The following SORCS1 variants were observed in gnomAD, a reference collection of about 807,000 sequenced individuals.
SORCS1 encodes the protein sortilin related VPS10 domain containing receptor 1.
SORCS1 carries 60 observed loss-of-function variants against 146.1 expected under a neutral mutation model. The ratio of observed to expected loss-of-function variants is 0.41; its 90% CI spans 0.33 to 0.51. The LOEUF (loss-of-function observed/expected upper bound fraction) is 0.51, where lower values mean the gene tolerates loss of function less well. SORCS1 is among the 20% of genes least tolerant of loss of function. The pLI, the probability that SORCS1 is intolerant of heterozygous loss-of-function variation, is 0.21. For synonymous variants in SORCS1, 637 were observed against 584.0 expected (o/e 1.09, Z -1.31); for missense variants, 1,352 against 1,487.6 (o/e 0.91, Z 1.50).
At chr10:106,923,619 C>T (rs1320829196) in intron 2 of SORCS1, among the ~76,000 whole-genome samples, 1 of 152,186 alleles carries the variant, frequency 6.6e-6, no homozygotes, top group Non-Finnish European at 1.5e-5. Flanking sequence ...CACGGCCTCA[C>T]CAGCATTTGG....
intron 1 of SORCS1, among the ~76,000 whole-genome samples, chr10:107,159,278 A>C (rs1431044029): frequency 6.6e-6 from 1 of 152,204 alleles, no homozygotes; most frequent in African/African-American, 2.4e-5. Flanking sequence ...CTCCTAGTGC[A>C]CTTTACTTAG....
At chr10:106,890,307 A>C (rs1300349380) in intron 2 of SORCS1, among the ~76,000 whole-genome samples, 1 of 151,992 alleles carries the variant, frequency 6.6e-6, no homozygotes, top group African/African-American at 2.4e-5. Context: ...CTTTTTTTCT[A>C]TCTCTAAATA....
chr10:107,102,208 C>T (rs531951581), intron 1 of SORCS1, among the ~76,000 whole-genome samples: 1 of 152,232 alleles, frequency 6.6e-6, no homozygotes, highest in East Asian at 1.9e-4. Flanking sequence ...TTGTCATTAT[C>T]GAGCCTTCAT....
At chr10:106,636,754 T>C (rs1469768198) in intron 18 of SORCS1, among the ~76,000 whole-genome samples, 1 of 152,178 alleles carries the variant, frequency 6.6e-6, no homozygotes, top group African/African-American at 2.4e-5. Context: ...CATATCAATC[T>C]TCAACCCTAA....
At chr10:106,762,520 G>A (rs1223778952) in intron 4 of SORCS1, among the ~76,000 whole-genome samples, 2 of 147,702 alleles carry the variant, frequency 1.4e-5, no homozygotes, top group African/African-American at 5.0e-5. Flanking sequence ...AGCCTCCCAA[G>A]TAGCTGGGAC....
chr10:107,103,610 G>A (rs1965100194), intron 1 of SORCS1, among the ~76,000 whole-genome samples: 1 of 152,194 alleles, frequency 6.6e-6, no homozygotes, highest in African/African-American at 2.4e-5. Context: ...CTCAGTGGGA[G>A]AAATTTATCA....
At chr10:106,694,716 G>A (rs1046359513) in intron 9 of SORCS1, among the ~76,000 whole-genome samples, 6 of 152,130 alleles carry the variant, frequency 3.9e-5, no homozygotes, top group African/African-American at 7.2e-5. Context: ...TACTCATAAC[G>A]TACAGAAGAC....
chr10:106,928,038 C>A (rs562700545), intron 2 of SORCS1, among the ~76,000 whole-genome samples: 1 of 152,258 alleles, frequency 6.6e-6, no homozygotes, highest in Non-Finnish European at 1.5e-5. Flanking sequence ...GCCCAGCTGG[C>A]TTCACCCAGT....
At chr10:106,780,952 A>G (rs1428579589) in intron 3 of SORCS1, among the ~76,000 whole-genome samples, 1 of 151,316 alleles carries the variant, frequency 6.6e-6, no homozygotes, top group Non-Finnish European at 1.5e-5. Context: ...AATGCAATTT[A>G]TAGATTTCAA....
chr10:106,622,922 T>G (rs1275374989), intron 19 of SORCS1, among the ~76,000 whole-genome samples: 1 of 152,200 alleles, frequency 6.6e-6, no homozygotes, highest in Non-Finnish European at 1.5e-5. Context: ...TGCCTCCTCA[T>G]CAGGTAAATA....
At chr10:107,098,146 T>C (rs1468343921) in intron 1 of SORCS1, among the ~76,000 whole-genome samples, 7 of 152,236 alleles carry the variant, frequency 4.6e-5, no homozygotes, top group Admixed American at 3.9e-4. Flanking sequence ...TTGTTGTTGT[T>C]GTCTATGTCA....
At chr10:106,659,862 C>A (rs1850591897) in intron 17 of SORCS1, among the ~76,000 whole-genome samples, 1 of 152,150 alleles carries the variant, frequency 6.6e-6, no homozygotes, top group South Asian at 2.1e-4. Flanking sequence ...AGATGGAAAA[C>A]CTCATTTAAG....
the SORCS1 span, among the ~76,000 whole-genome samples, chr10:107,177,197 A>G: frequency 2.6e-5 from 4 of 152,020 alleles, no homozygotes; most frequent in Admixed American, 6.6e-5. Flanking sequence ...TTTGCCTTCA[A>G]TGTACCCTAA....
chr10:106,830,264 C>T (rs1252294002), intron 2 of SORCS1, among the ~76,000 whole-genome samples: 1 of 152,198 alleles, frequency 6.6e-6, no homozygotes. Context: ...GACACTGACA[C>T]TGTTTTTTCC....
intron 21 of SORCS1, among the ~76,000 whole-genome samples, chr10:106,612,999 C>T (rs540265737): frequency 1.3e-5 from 2 of 151,878 alleles, no homozygotes; most frequent in East Asian, 3.9e-4. Flanking sequence ...TCACTACCCT[C>T]CCCCATCACA....
intron 1 of SORCS1, among the ~76,000 whole-genome samples, chr10:107,122,717 A>G (rs1966478704): frequency 6.6e-6 from 1 of 152,220 alleles, no homozygotes; most frequent in African/African-American, 2.4e-5. Flanking sequence ...AAGAAAAAAA[A>G]AAGTAGTCCT....
chr10:106,598,992 T>C (rs927326303), intron 23 of SORCS1, among the ~76,000 whole-genome samples: 1 of 152,190 alleles, frequency 6.6e-6, no homozygotes, highest in Non-Finnish European at 1.5e-5. Context: ...AAGATTGTCA[T>C]AAAACTATGC....
intron 1 of SORCS1, among the ~76,000 whole-genome samples, chr10:107,147,991 G>A (rs905086731): frequency 6.6e-6 from 1 of 152,182 alleles, no homozygotes; most frequent in East Asian, 1.9e-4. Flanking sequence ...CTTAAATAAT[G>A]GAAAGGATTT....
At chr10:106,843,268 C>G (rs976769368) in intron 2 of SORCS1, among the ~76,000 whole-genome samples, 2 of 152,132 alleles carry the variant, frequency 1.3e-5, no homozygotes, top group African/African-American at 2.4e-5. Flanking sequence ...CCCCCAGCCA[C>G]TAGTAACCAC....
Sources: allele counts gnomAD v4.1 joint callset (sites outside exome capture counted in the v4.1 genomes callset), GRCh38; gene constraint gnomAD v4.1.1; transcripts MANE v1.5; gene names NCBI Gene and HGNC (gene_info 2026-07-23, HGNC 2026-07-21).